The following PRKCE variants were observed in gnomAD, a reference collection of about 807,000 sequenced individuals.
The protein encoded by PRKCE is protein kinase C epsilon, also known as protein kinase C epsilon type.
A neutral mutation model predicts 85.4 loss-of-function variants in PRKCE; 16 were observed. The ratio of observed to expected loss-of-function variants is 0.19; its 90% confidence interval spans 0.13 to 0.28. The LOEUF is 0.28. PRKCE is among the 10% of genes least tolerant of loss of function. The pLI, the probability that PRKCE is intolerant of heterozygous loss-of-function variation, is 1.00. For missense variants in PRKCE, 573 were observed against 975.2 expected (o/e 0.59, Z 5.49); for synonymous variants, 388 against 371.5 (o/e 1.04, Z -0.51).
chr2:46,140,660 T>C (rs1238690290), intron 11 of PRKCE, among the ~76,000 whole-genome samples: 1 of 152,164 alleles, frequency 6.6e-6, no homozygotes, highest in African/African-American at 2.4e-5. Flanking sequence ...ACCCATGATA[T>C]AAAACATCAG....
chr2:46,042,787 T>A (rs1708288184), intron 10 of PRKCE, among the ~76,000 whole-genome samples: 1 of 152,232 alleles, frequency 6.6e-6, no homozygotes, highest in Non-Finnish European at 1.5e-5. Context: ...TCTTCCTGGC[T>A]AATCAGGAAT....
At chr2:45,780,298 T>C (rs1299800430) in intron 1 of PRKCE, among the ~76,000 whole-genome samples, 1 of 152,238 alleles carries the variant, frequency 6.6e-6, no homozygotes, top group African/African-American at 2.4e-5. Context: ...TTTTCTTTTT[T>C]TGTTTTTGCC....
At chr2:45,933,874 T>C (rs1259191260) in intron 2 of PRKCE, among the ~76,000 whole-genome samples, 1 of 152,228 alleles carries the variant, frequency 6.6e-6, no homozygotes, top group African/African-American at 2.4e-5. Context: ...AGTAAAATCA[T>C]GTTAACTTGG....
intron 11 of PRKCE, among the ~76,000 whole-genome samples, chr2:46,093,407 T>G (rs984111209): frequency 1.4e-4 from 22 of 152,012 alleles, no homozygotes; most frequent in Admixed American, 2.0e-4. Context: ...AAAGCAGTTT[T>G]TTTTTTTTTG....
At chr2:46,163,844 G>A (rs1010060008) in intron 14 of PRKCE, among the ~76,000 whole-genome samples, 1 of 149,108 alleles carries the variant, frequency 6.7e-6, no homozygotes, top group East Asian at 2.0e-4. Flanking sequence ...GCCACTGAGA[G>A]ACACAGGGAA....
chr2:45,680,165 C>G (rs528352334), intron 1 of PRKCE, among the ~76,000 whole-genome samples: 1 of 152,316 alleles, frequency 6.6e-6, no homozygotes, highest in African/African-American at 2.4e-5. Flanking sequence ...TGTCATTAGA[C>G]AAATAATGAC....
chr2:46,000,605 A>AT (rs1196198422), intron 6 of PRKCE, among the ~76,000 whole-genome samples: 1 of 151,508 alleles, frequency 6.6e-6, no homozygotes, highest in African/African-American at 2.4e-5. Flanking sequence ...AAATCCTGAG[A>AT]TTTTCTCCAT....
intron 11 of PRKCE, among the ~76,000 whole-genome samples, chr2:46,124,851 ATAAC>A (rs886542963): frequency 6.6e-6 from 1 of 152,186 alleles, no homozygotes; most frequent in Non-Finnish European, 1.5e-5. Flanking sequence ...GTGCCCCAAA[ATAAC>A]TAAAAATATT....
chr2:45,768,378 G>T (rs147161224), intron 1 of PRKCE, among the ~76,000 whole-genome samples: 16 of 152,322 alleles, frequency 1.1e-4, no homozygotes, highest in Admixed American at 2.0e-4. Flanking sequence ...CATGGGGATG[G>T]CTTCTGGAAG....
intron 1 of PRKCE, among the ~76,000 whole-genome samples, chr2:45,824,676 C>T (rs1484642205): frequency 6.6e-6 from 1 of 151,720 alleles, no homozygotes; most frequent in Non-Finnish European, 1.5e-5. Flanking sequence ...AAAAATAGAG[C>T]AGAATAATGG....
At chr2:45,983,289 C>T (rs966013420) in intron 5 of PRKCE, among the ~76,000 whole-genome samples, 1 of 152,160 alleles carries the variant, frequency 6.6e-6, no homozygotes, top group Non-Finnish European at 1.5e-5. Flanking sequence ...ATTAGTCCCC[C>T]ACGGGGGCCT....
chr2:46,021,430 G>C (rs1706651599), intron 10 of PRKCE, among the ~76,000 whole-genome samples: 1 of 152,192 alleles, frequency 6.6e-6, no homozygotes, highest in Non-Finnish European at 1.5e-5. Context: ...CAATAGGCCA[G>C]GAGTCCAGAG....
intron 1 of PRKCE, among the ~76,000 whole-genome samples, chr2:45,771,019 C>T (rs1685284911): frequency 6.6e-6 from 1 of 152,148 alleles, no homozygotes; most frequent in African/African-American, 2.4e-5. Context: ...GTAGTGTTCC[C>T]TCCAAGCGTA....
At chr2:45,932,670 G>A (rs568922778) in intron 2 of PRKCE, among the ~76,000 whole-genome samples, 1 of 152,244 alleles carries the variant, frequency 6.6e-6, no homozygotes, top group Non-Finnish European at 1.5e-5. Context: ...CATTTTAAGT[G>A]TATTGTTCAG....
At chr2:46,010,858 CACTTA>C (rs1705612037) in intron 10 of PRKCE, 3 of 1,518,536 alleles carry the variant, frequency 2.0e-6, no homozygotes, top group Admixed American at 4.2e-5. Context: ...CTAATCAAAT[CACTTA>C]ACTTCTAAGT....
In PRKCE at chr2:46,155,504, G is replaced by T. The variant is rs1235348855; in HGVS notation, c.1921-4102G>T. Among the ~76,000 whole-genome samples, 6 of 152,004 alleles carry T rather than the reference G, an allele frequency of 3.9e-5. No homozygotes were observed. Among genetic ancestry groups the T allele is most frequent in the African/African-American group, 1.4e-4 (6 of 41,384 alleles). On this transcript the variant is annotated intron_variant, in intron 13 of 14. Coordinates refer to ENST00000306156, the MANE Select transcript of PRKCE (RefSeq NM_005400.3). This position sits in a 1 kb window ranked among gnomAD's most constrained non-coding sequence, Gnocchi z 4.7. ...CTTCCCACCCTGCACTCAGGGAGGG[G>T]TATCCCCAGCCAGACCCATCTTCCA...
At chr2:45,724,655 G>A (rs1186079658) in intron 1 of PRKCE, among the ~76,000 whole-genome samples, 1 of 152,214 alleles carries the variant, frequency 6.6e-6, no homozygotes, top group Non-Finnish European at 1.5e-5. Flanking sequence ...GTAAATACAC[G>A]AATAAGAAAG....
chr2:46,056,814 G>T (rs1283195681), intron 10 of PRKCE, among the ~76,000 whole-genome samples: 1 of 152,094 alleles, frequency 6.6e-6, no homozygotes, highest in East Asian at 1.9e-4. Flanking sequence ...GTGAATCATG[G>T]TTCTAATATT....
At chr2:45,935,288 A>G (rs1256818128) in intron 2 of PRKCE, among the ~76,000 whole-genome samples, 10 of 152,184 alleles carry the variant, frequency 6.6e-5, no homozygotes, top group Non-Finnish European at 2.9e-5. Flanking sequence ...TCTCTGCTTT[A>G]CTGACTTTTT....
Sources: allele counts gnomAD v4.1 joint callset (sites outside exome capture counted in the v4.1 genomes callset), GRCh38; gene constraint gnomAD v4.1.1; non-coding constraint Gnocchi (gnomAD v3.1); transcripts MANE v1.5; gene names NCBI Gene and HGNC (gene_info 2026-07-23, HGNC 2026-07-21).